The following PCDHGB6 variants were observed in gnomAD, a reference collection of about 807,000 sequenced individuals.
PCDHGB6 encodes protocadherin gamma subfamily B, 6.
Under a neutral mutation model 59.1 loss-of-function variants are expected in PCDHGB6, and 51 were observed. That is an observed-to-expected ratio of 0.86 (90% CI 0.69 to 1.09). The LOEUF is 1.09. Among genes scored for constraint, PCDHGB6 ranks in the 50% least tolerant of loss-of-function variants. The probability of loss-of-function intolerance (pLI) is 0.00; values close to 1 mark genes in which losing one functional copy is unlikely to be tolerated. For missense variants in PCDHGB6, 1,148 were observed against 1,205.1 expected, an observed-to-expected ratio of 0.95 and a Z score of 0.70; for synonymous variants, 466 against 495.1, an observed-to-expected ratio of 0.94 and a Z score of 0.78.
rs758013542 is a variant in PCDHGB6 at position 141,418,314 on chromosome 5, C to A, written c.2418+7694C>A. 9 of 1,613,988 alleles carry A rather than the reference C, an allele frequency of 5.6e-6. No homozygotes were observed. In the East Asian group the frequency reaches 1.3e-4, roughly 24 times the overall value. On this transcript the variant is annotated intron_variant, in intron 1 of 3. Coordinates refer to ENST00000520790, the MANE Select transcript of PCDHGB6 (RefSeq NM_018926.3). ...GAATCCGTCAGCCTGGGGATGGGAACAATTCTTGAGTCTGCAGAAGATCCT... is the reference window on the plus strand; with the variant it reads ...GAATCCGTCAGCCTGGGGATGGGAAAAATTCTTGAGTCTGCAGAAGATCCT...
At chr5:141,507,450 CAGAG>C (rs940460926) in intron 3 of PCDHGB6, among the ~76,000 whole-genome samples, 1 of 152,170 alleles carries the variant, frequency 6.6e-6, no homozygotes, top group African/African-American at 2.4e-5. Flanking sequence ...GACGGAAGGA[CAGAG>C]AGAGAGGTGG....
At chr5:141,413,501 G>A (rs772110374) in intron 1 of PCDHGB6, 1 of 1,614,040 alleles carries the variant, frequency 6.2e-7, no homozygotes, top group Non-Finnish European at 8.5e-7. Context: ...TGCGTGGTGA[G>A]TTTTAATATC....
At chr5:141,422,758 A>G in intron 1 of PCDHGB6, 1 of 1,613,150 alleles carries the variant, frequency 6.2e-7, no homozygotes, top group Non-Finnish European at 8.5e-7. Flanking sequence ...TATTAACTCC[A>G]ACACTGGTGT....
chr5:141,500,433 T>C (rs1398344932), intron 2 of PCDHGB6, among the ~76,000 whole-genome samples: 1 of 151,764 alleles, frequency 6.6e-6, no homozygotes, highest in East Asian at 1.9e-4. Context: ...ATGGTCTCGA[T>C]CTCCTGACCT....
chr5:141,409,250 A>G lies in PCDHGB6; in HGVS notation c.1048A>G (p.Thr350Ala). 6.2e-7 allele frequency: 1 copy of G among 1,614,024 alleles called. No individual in the cohort carries two copies. The highest frequency in any genetic ancestry group is 8.5e-7 in the Non-Finnish European group (1 of 1,179,898). Residue 350 changes from threonine to alanine, a missense_variant, in exon 1 of 4, where the codon ACT becomes GCT. Around this residue, in one of 5 missense-constraint regions of PCDHGB6, gnomAD observed 549 missense variants for 527.5 expected, o/e 1.04. Coordinates refer to ENST00000520790, the MANE Select transcript of PCDHGB6 (RefSeq NM_018926.3). The part of the protein sequence containing the change: ...ENDNSPEIII[T>A]SLSDQILENS... ...CGACAACAGCCCAGAAATAATCATC[A>G]CTTCTCTCTCTGATCAGATTTTGGA...
intron 1 of PCDHGB6, chr5:141,441,973 C>T (rs1457832429): frequency 6.7e-6 from 2 of 296,542 alleles, no homozygotes; most frequent in Admixed American, 4.4e-5. Context: ...GCTCTTCAGC[C>T]TGGAATGCGC....
chr5:141,415,492 A>G lies in PCDHGB6; in HGVS notation c.2418+4872A>G, dbSNP rs373866182. 4 of 1,614,154 alleles carry G rather than the reference A, an allele frequency of 2.5e-6. No individual in the cohort carries two copies. The African/African-American group carries it at 4.0e-5, about 16-fold the overall frequency. On this transcript the variant is annotated intron_variant, in intron 1 of 3. Transcript: ENST00000520790. Reference sequence around the variant, plus strand: ...CGCGGACTCGCGAAAGAGTCACCTGATCTTCCCCCAGCCCAATTATGCGGA... The same window carrying G: ...CGCGGACTCGCGAAAGAGTCACCTGGTCTTCCCCCAGCCCAATTATGCGGA...
Position 141,487,642 on chromosome 5 carries a change from G to A in PCDHGB6, c.2419-7165G>A, listed in dbSNP as rs747328649. 1.2e-6 allele frequency: 2 copies of A among 1,614,130 alleles called. No individual in the cohort carries two copies. The highest frequency in any genetic ancestry group is 1.3e-5 in the African/African-American group (1 of 75,062). On this transcript the variant is annotated intron_variant, in intron 1 of 3. Transcript: ENST00000520790. This position sits in a 1 kb window ranked among gnomAD's most constrained non-coding sequence, Gnocchi z 5.0. ...TGAGACCTTTGCAGGCTCAACAAAT[G>A]CTTGAGGGTTATTCTGATCCAGGCA...
chr5:141,414,950 T>C (rs1017858929), intron 1 of PCDHGB6: 2 of 1,613,912 alleles, frequency 1.2e-6, no homozygotes, highest in African/African-American at 2.7e-5. Context: ...GGCTACCTGG[T>C]GACCAAGGTG....
chr5:141,428,679 TGGATGA>T (rs1231732563), intron 1 of PCDHGB6: 1 of 163,254 alleles, frequency 6.1e-6, no homozygotes, highest in Non-Finnish European at 1.3e-5. Flanking sequence ...CATTTACAAA[TGGATGA>T]GGTTTAATTT....
In PCDHGB6 at chr5:141,489,844, C is replaced by A; in HGVS notation, c.2419-4963C>A. 2 of 1,614,148 alleles carry A rather than the reference C, an allele frequency of 1.2e-6. No individual in the cohort carries two copies. Among genetic ancestry groups the A allele is most frequent in the Non-Finnish European group, 1.7e-6 (2 of 1,179,982 alleles). On this transcript the variant is annotated intron_variant, in intron 1 of 3. Coordinates refer to ENST00000520790, the MANE Select transcript of PCDHGB6 (RefSeq NM_018926.3). The surrounding 1 kb of genome is among the most constrained non-coding windows in gnomAD (Gnocchi z 4.5). Reference sequence around the variant, plus strand: ...GCTGGTGCTAGAGCAGCAGCTGGATCGTGAAGCCCAGGCAAGACATCAGCT... The same window carrying A: ...GCTGGTGCTAGAGCAGCAGCTGGATAGTGAAGCCCAGGCAAGACATCAGCT...
At chr5:141,488,991 T>G in intron 1 of PCDHGB6, 1 of 414,332 alleles carries the variant, frequency 2.4e-6, no homozygotes, top group Non-Finnish European at 4.3e-6. Flanking sequence ...AGAGCTGAGG[T>G]GGGAGATCTG....
In PCDHGB6 at chr5:141,485,269, C is replaced by T. The variant is rs760197007; in HGVS notation, c.2419-9538C>T. The T allele has an allele frequency of 6.2e-7, 1 of 1,614,090 alleles. No homozygotes were observed. Among genetic ancestry groups the T allele is most frequent in the Admixed American group, 1.7e-5 (1 of 60,028 alleles). On this transcript the variant is annotated intron_variant, in intron 1 of 3. Transcript: ENST00000520790. The surrounding 1 kb of genome is among the most constrained non-coding windows in gnomAD (Gnocchi z 5.7). ...TGGGTTACGTTTGTGGGCAGATCCG[C>T]TACCCGGTCCCAGAGGAGTCACAGG... is the stretch of plus-strand genomic sequence containing the variant.
chr5:141,478,711 T>A, intron 1 of PCDHGB6: 1 of 1,547,346 alleles, frequency 6.5e-7, no homozygotes, highest in Non-Finnish European at 8.7e-7. Flanking sequence ...CTTTGTGAGA[T>A]GGTGGCCTGC....
chr5:141,485,607 C>T lies in PCDHGB6; in HGVS notation c.2419-9200C>T. On this transcript the variant is annotated intron_variant, in intron 1 of 3. Coordinates refer to ENST00000520790, the MANE Select transcript of PCDHGB6 (RefSeq NM_018926.3). The surrounding 1 kb of genome is among the most constrained non-coding windows in gnomAD (Gnocchi z 5.7). ...CAGCTGGACTTGGAAATTGGGGAGG[C>T]AGCTCCTCCAGGACAGCGTTTCCCG... is the stretch of plus-strand genomic sequence containing the variant. 1 of 1,612,008 alleles carries T rather than the reference C, an allele frequency of 6.2e-7. No individual in the cohort carries two copies. The highest frequency in any genetic ancestry group is 8.5e-7 in the Non-Finnish European group (1 of 1,178,534).
chr5:141,475,542 G>A (rs1182059354), intron 1 of PCDHGB6, among the ~76,000 whole-genome samples: 1 of 152,174 alleles, frequency 6.6e-6, no homozygotes, highest in East Asian at 1.9e-4. Flanking sequence ...TTACAAGTAG[G>A]GTCCGGCTAA....
In PCDHGB6 at chr5:141,510,983, C is replaced by T; in HGVS notation, c.2603C>T (p.Ala868Val). The change falls in exon 4 of 4, where the codon GCC becomes GTC. Residue 868 changes from alanine to valine, a missense_variant. Around this residue, in one of 5 missense-constraint regions of PCDHGB6, gnomAD observed 283 missense variants for 318.6 expected, o/e 0.89. Transcript: ENST00000520790. The stretch of plus-strand genomic sequence containing the variant: ...GGGAGCTCCACCCTGGGAGGGGGTG[C>T]CGGCACCATGGGATTGAGCGCCCGC... ...ADGSSTLGGG[A>V]GTMGLSARYG... The T allele has an allele frequency of 6.2e-7, 1 of 1,614,162 alleles. No homozygotes were observed. The highest frequency in any genetic ancestry group is 8.5e-7 in the Non-Finnish European group (1 of 1,180,012).
At position 141,410,026 on chromosome 5, in the gene PCDHGB6, G is replaced by A. The variant is rs571122351; in HGVS notation, c.1824G>A (p.Val608=). 37 of 1,613,302 alleles carry A rather than the reference G, an allele frequency of 2.3e-5. 2 individuals carry two copies. The East Asian group carries it at 8.0e-4, about 35-fold the overall frequency. Residue 608 remains valine (V), a synonymous_variant, in exon 1 of 4, where the codon GTG becomes GTA. Coordinates refer to ENST00000520790, the MANE Select transcript of PCDHGB6 (RefSeq NM_018926.3). ...SGHNAWLSYH[V]LQASEPGLFS... ...ACAACGCCTGGCTGTCCTACCACGTGCTGCAGGCCAGTGAGCCCGGACTCT... is the reference window on the plus strand; with the variant it reads ...ACAACGCCTGGCTGTCCTACCACGTACTGCAGGCCAGTGAGCCCGGACTCT...
At position 141,511,005 on chromosome 5, in the gene PCDHGB6, C is replaced by T; in HGVS notation, c.2625C>T (p.Ala875=). ...GGGAGTMGLS[A]RYGPQFTLQH... The stretch of plus-strand genomic sequence containing the variant: ...GTGCCGGCACCATGGGATTGAGCGC[C>T]CGCTACGGACCCCAGTTCACCCTGC... Residue 875 remains alanine, a synonymous_variant, in exon 4 of 4, where the codon GCC becomes GCT. Coordinates refer to ENST00000520790, the MANE Select transcript of PCDHGB6 (RefSeq NM_018926.3). The T allele has an allele frequency of 6.2e-7, 1 of 1,614,176 alleles. No individual in the cohort carries two copies.
Sources: allele counts gnomAD v4.1 joint callset (sites outside exome capture counted in the v4.1 genomes callset), GRCh38; gene constraint gnomAD v4.1.1; regional missense constraint gnomAD v4.1.1; non-coding constraint Gnocchi (gnomAD v3.1); transcripts MANE v1.5; gene names NCBI Gene and HGNC (gene_info 2026-07-23, HGNC 2026-07-21).